The following CKAP5 variants were observed in gnomAD, a reference collection of about 807,000 sequenced individuals.
CKAP5 encodes cytoskeleton-associated protein 5.
CKAP5 carries 27 observed loss-of-function variants against 232.8 expected under a neutral mutation model. That is an observed-to-expected ratio of 0.12 (90% CI 0.09 to 0.16). CKAP5 has a LOEUF of 0.16. Among genes scored for constraint, CKAP5 ranks in the 10% least tolerant of loss-of-function variants. The probability of loss-of-function intolerance (pLI) is 1.00; values close to 1 mark genes in which losing one functional copy is unlikely to be tolerated. For synonymous variants in CKAP5, 785 were observed against 841.1 expected (o/e 0.93, Z 1.16); for missense variants, 1,838 against 2,424.7 (o/e 0.76, Z 5.08).
chr11:46,790,998 A>C (rs1212712247), intron 13 of CKAP5, among the ~76,000 whole-genome samples: 2 of 152,110 alleles, frequency 1.3e-5, no homozygotes, highest in Non-Finnish European at 2.9e-5. Flanking sequence ...CTCCCTTAAA[A>C]ATTTGATTAA....
At position 46,790,100 on chromosome 11, in the gene CKAP5, C is replaced by T. The variant is rs770360015; in HGVS notation, c.1851G>A (p.Leu617=). 1 of 1,611,216 alleles carries T rather than the reference C, an allele frequency of 6.2e-7. No individual in the cohort carries two copies. Among genetic ancestry groups the T allele is most frequent in the Non-Finnish European group, 8.5e-7 (1 of 1,177,848 alleles). The change falls in exon 15 of 44, where the codon CTG becomes CTA. Residue 617 remains leucine, a synonymous_variant. Transcript: ENST00000529230. ...LLDSSNWKER[L]ACMEEFQKAV... Reference sequence around the variant, plus strand: ...CCTTCTGGAACTCTTCCATACAAGCCAGCCTTTCTTTCCAGTTACTGCTGT... The same window carrying T: ...CCTTCTGGAACTCTTCCATACAAGCTAGCCTTTCTTTCCAGTTACTGCTGT...
intron 27 of CKAP5, among the ~76,000 whole-genome samples, chr11:46,765,666 G>A (rs1035214695): frequency 1.4e-5 from 2 of 143,578 alleles, no homozygotes; most frequent in African/African-American, 2.6e-5. Flanking sequence ...GTGCAGTGGC[G>A]TGATCTCAGC....
intron 1 of CKAP5, among the ~76,000 whole-genome samples, chr11:46,828,309 T>G (rs1188378753): frequency 2.0e-5 from 3 of 152,160 alleles, no homozygotes; most frequent in Non-Finnish European, 4.4e-5. Context: ...GGATTCAGAT[T>G]AAAACAGTCT....
At chr11:46,760,532 AT>A in intron 33 of CKAP5, 79 bp downstream of exon 33, 1 of 1,384,712 alleles carries the variant, frequency 7.2e-7, no homozygotes, top group Admixed American at 1.8e-5. Flanking sequence ...AGAACTCAAG[AT>A]TATGTTACAG....
chr11:46,834,153 C>G (rs551152471), intron 1 of CKAP5, among the ~76,000 whole-genome samples: 1 of 152,198 alleles, frequency 6.6e-6, no homozygotes, highest in African/African-American at 2.4e-5. Flanking sequence ...AAGCATCATC[C>G]CAGTGTCATT....
In CKAP5 at chr11:46,795,726, T is replaced by TCCA. The variant is rs1938856199; in HGVS notation, c.1515_1517dup (p.Gly506dup). 1.2e-6 allele frequency: 2 copies of TCCA among 1,614,124 alleles called. No homozygotes were observed. The highest frequency in any genetic ancestry group is 1.7e-6 in the Non-Finnish European group (2 of 1,179,982). The stretch of plus-strand genomic sequence containing the variant: ...TGAATTCCTTCTTATCAGCAGCTAG[T>TCCA]CCAGCTTTCTTACCATGTATCAGTT... On this transcript the variant is annotated inframe_insertion, in exon 13 of 44. Transcript: ENST00000529230.
At chr11:46,809,064 C>T (rs1410597969) in intron 7 of CKAP5, among the ~76,000 whole-genome samples, 1 of 152,110 alleles carries the variant, frequency 6.6e-6, no homozygotes, top group Non-Finnish European at 1.5e-5. Context: ...GTCAACAGTG[C>T]TAAGGTCAAG....
chr11:46,786,360 G>T (rs899652849), intron 16 of CKAP5, among the ~76,000 whole-genome samples: 4 of 152,134 alleles, frequency 2.6e-5, no homozygotes, highest in African/African-American at 9.7e-5. Flanking sequence ...CTGGCAGGTG[G>T]GGGGACAGCT....
intron 26 of CKAP5, among the ~76,000 whole-genome samples, chr11:46,769,223 A>G (rs1320814056): frequency 6.6e-6 from 1 of 152,190 alleles, no homozygotes. Flanking sequence ...CCAGCCTATT[A>G]TGGAATTTTA....
At chr11:46,845,710 T>C (rs1487202797) in intron 1 of CKAP5, among the ~76,000 whole-genome samples, 1 of 152,124 alleles carries the variant, frequency 6.6e-6, no homozygotes, top group African/African-American at 2.4e-5. Context: ...ATCGGAATCG[T>C]TCACATCGCA....
At chr11:46,770,250 G>T in intron 25 of CKAP5, 152 bp from the exon 26 acceptor site, 1 of 731,510 alleles carries the variant, frequency 1.4e-6, no homozygotes, top group Non-Finnish European at 2.3e-6. Context: ...TGTCAGAGAA[G>T]TCACACACAT....
At chr11:46,778,024 G>A in intron 22 of CKAP5, 115 bp downstream of exon 22, 1 of 807,784 alleles carries the variant, frequency 1.2e-6, no homozygotes, top group Non-Finnish European at 2.0e-6. Context: ...GCTATTTCTA[G>A]TTCAAAGCAA....
chr11:46,761,216 T>C (rs1425699082), intron 32 of CKAP5, among the ~76,000 whole-genome samples: 4 of 132,330 alleles, frequency 3.0e-5, no homozygotes, highest in Non-Finnish European at 4.6e-5. Flanking sequence ...ACCACTGCAC[T>C]CCAACCTAGG....
At chr11:46,809,328 G>T in intron 7 of CKAP5, 72 bp downstream of exon 7, 1 of 1,024,998 alleles carries the variant, frequency 9.8e-7, no homozygotes, top group Non-Finnish European at 1.5e-6. Flanking sequence ...CAAGGGCTCA[G>T]CAGAGTATTC....
At position 46,778,544 on chromosome 11, in the gene CKAP5, C is replaced by T; in HGVS notation, c.2489G>A (p.Ser830Asn). 6.2e-7 allele frequency: 1 copy of T among 1,614,070 alleles called. No homozygotes were observed. Among genetic ancestry groups the T allele is most frequent in the Non-Finnish European group, 8.5e-7 (1 of 1,179,950 alleles). The change falls in exon 21 of 44, where the codon AGT (serine) becomes AAT (asparagine). Residue 830 changes from serine to asparagine, a missense_variant. Physicochemically the swap from Ser to Asn is conservative, Grantham distance 46. Transcript: ENST00000529230. ...TCCATCTTCTCCTTCATCTGTACCA[C>T]TTGTGCTATGCTTGGAAATTCCTCT... is the stretch of plus-strand genomic sequence containing the variant. The part of the protein sequence containing the change: ...PTRGISKHST[S>N]GTDEGEDGDE...
rs139423223 is a variant in CKAP5 at position 46,795,738 on chromosome 11, A to C, written c.1506T>G (p.Gly502=). Residue 502 remains glycine, a synonymous_variant, in exon 13 of 44, where the codon GGT becomes GGG. Transcript: ENST00000529230. ...TATCAGCAGCTAGTCCAGCTTTCTT[A>C]CCATGTATCAGTTCTACCTTTTCTG... ...ECSEKVELIH[G]KKAGLAADKK... 7 of 1,613,942 alleles carry C rather than the reference A, an allele frequency of 4.3e-6. No homozygotes were observed. The African/African-American group carries it at 9.3e-5, about 22-fold the overall frequency.
intron 16 of CKAP5, among the ~76,000 whole-genome samples, chr11:46,786,038 A>C (rs559072386): frequency 6.6e-6 from 1 of 152,212 alleles, no homozygotes; most frequent in Non-Finnish European, 1.5e-5. Flanking sequence ...CAAACCAAAG[A>C]AATGTAATTA....
chr11:46,748,104 G>C (rs2065035551), intron 42 of CKAP5, among the ~76,000 whole-genome samples: 1 of 152,144 alleles, frequency 6.6e-6, no homozygotes, highest in African/African-American at 2.4e-5. Flanking sequence ...ACTAGGTGAT[G>C]AGGTACTAGG....
At chr11:46,756,754 AT>A (rs59822318) in intron 35 of CKAP5, among the ~76,000 whole-genome samples, 3,849 of 128,022 alleles carry the variant, frequency 0.03, 135 homozygotes, top group African/African-American at 0.11. Context: ...TGGACCTTGA[AT>A]TTTTTTTTTT....
Sources: allele counts gnomAD v4.1 joint callset (sites outside exome capture counted in the v4.1 genomes callset), GRCh38; gene constraint gnomAD v4.1.1; transcripts MANE v1.5; gene names NCBI Gene and HGNC (gene_info 2026-07-23, HGNC 2026-07-21).